The following OR6C75 variants were observed in gnomAD, a reference collection of about 807,000 sequenced individuals.
The protein encoded by OR6C75 is olfactory receptor 6C75.
For missense variants in OR6C75, 380 were observed against 368.0 expected, an observed-to-expected ratio of 1.03 and a Z score of -0.27; for synonymous variants, 149 against 130.6, an observed-to-expected ratio of 1.14 and a Z score of -0.96.
Position 55,366,576 on chromosome 12 carries a change from T to C in OR6C75, c.*527T>C, listed in dbSNP as rs1481949113. ...TAAACTATGTATCTTAATTAATATA[T>C]CTAAAATTTTTTCTTCAATGTCACC... On this transcript the variant is annotated 3_prime_UTR_variant, in exon 3 of 3. Transcript: ENST00000641576. 2 of 152,116 alleles carry C rather than the reference T, an allele frequency of 1.3e-5. No homozygotes were observed. Among genetic ancestry groups the C allele is most frequent in the African/African-American group, 4.8e-5 (2 of 41,446 alleles). The allele number at this position is 152,116 out of a possible 1,614,324, so 9.4% of individuals were successfully genotyped here. A position where few individuals can be genotyped will look rare whatever the true frequency, so the allele number is the denominator to read the frequency against.
Position 55,368,878 on chromosome 12 carries a change from T to C in OR6C75, c.*2829T>C, listed in dbSNP as rs529605754. The stretch of plus-strand genomic sequence containing the variant: ...TTTTATGGAATGGCATACTTTTTTT[T>C]AAAACAGATTATAATATAATATCAT... On this transcript the variant is annotated 3_prime_UTR_variant, in exon 3 of 3. Coordinates refer to ENST00000641576, the MANE Select transcript of OR6C75 (RefSeq NM_001005497.2). The C allele has an allele frequency of 1.3e-5, 2 of 152,140 alleles. No homozygotes were observed. Among genetic ancestry groups the C allele is most frequent in the Non-Finnish European group, 2.9e-5 (2 of 68,004 alleles). 9.4% of individuals were successfully genotyped at this position (152,140 alleles called of 1,614,324 possible).
At position 55,366,525 on chromosome 12, in the gene OR6C75, A is replaced by G. The variant is rs1033754466; in HGVS notation, c.*476A>G. Reference sequence around the variant, plus strand: ...AAACTTACTAAAACCACATTCAACTATGAAATTAATTTTATATGAAATGTT... The same window carrying G: ...AAACTTACTAAAACCACATTCAACTGTGAAATTAATTTTATATGAAATGTT... On this transcript the variant is annotated 3_prime_UTR_variant, in exon 3 of 3. Transcript: ENST00000641576. The G allele has an allele frequency of 2.6e-5, 4 of 152,196 alleles. No homozygotes were observed. The highest frequency in any genetic ancestry group is 7.2e-5 in the African/African-American group (3 of 41,470). 9.4% of individuals were successfully genotyped at this position (152,196 alleles called of 1,614,324 possible).
intron 2 of OR6C75, 61 bp from the exon 3 acceptor site, chr12:55,364,815 G>A (rs538168125): frequency 9.0e-5 from 24 of 267,724 alleles, no homozygotes; most frequent in South Asian, 8.9e-4. Context: ...TTTATTCATC[G>A]TACATAACTA....
chr12:55,364,388 C>A (rs1243199240), intron 2 of OR6C75, among the ~76,000 whole-genome samples: 3 of 113,508 alleles, frequency 2.6e-5, no homozygotes, highest in Admixed American at 1.3e-4. Context: ...TGCAATGGTG[C>A]GATCTCAGCT....
chr12:55,365,808 A>T lies in OR6C75; in HGVS notation c.698A>T (p.Lys233Ile), dbSNP rs1457452379. The change falls in exon 3 of 3, where the codon AAA becomes ATA. Residue 233 changes from lysine (K) to isoleucine (I), a missense_variant. Lys to Ile is a moderately radical substitution (Grantham distance 102, BLOSUM62 -3). Transcript: ENST00000641576. ...AAAATTCCTTCTATGAGTCAAAGGA[A>T]AAAAGCCTTTTCCACTTGCTCCTCC... ...ILKIPSMSQR[K>I]KAFSTCSSHM... 1.9e-6 allele frequency: 3 copies of T among 1,613,902 alleles called. No individual in the cohort carries two copies. Among genetic ancestry groups the T allele is most frequent in the African/African-American group, 1.3e-5 (1 of 75,030 alleles).
intron 1 of OR6C75, among the ~76,000 whole-genome samples, chr12:55,363,364 T>C (rs1445495132): frequency 6.6e-6 from 1 of 152,150 alleles, no homozygotes; most frequent in Non-Finnish European, 1.5e-5. Flanking sequence ...CTTATATTTA[T>C]GTTTTATATA....
Position 55,365,239 on chromosome 12 carries a change from T to C in OR6C75, c.129T>C (p.Ile43=), listed in dbSNP as rs771503220. Residue 43 remains isoleucine, a synonymous_variant, in exon 3 of 3, where the codon ATT becomes ATC. Transcript: ENST00000641576. ...YMLSVTGNLI[I]ITLTLSDPHL... The stretch of plus-strand genomic sequence containing the variant: ...TAAGTGTGACTGGGAACCTGATCAT[T>C]ATCACCCTCACCCTTTCAGATCCCC... The C allele has an allele frequency of 1.7e-5, 27 of 1,612,758 alleles. No homozygotes were observed. The highest frequency in any genetic ancestry group is 1.0e-5 in the Non-Finnish European group (12 of 1,179,562).
In OR6C75 at chr12:55,368,056, G is replaced by C. The variant is rs1270696449; in HGVS notation, c.*2007G>C. On this transcript the variant is annotated 3_prime_UTR_variant, in exon 3 of 3. Transcript: ENST00000641576. ...GCTAAGCATGGTAGCATACACCTGTGGTCCCAGCTACTCAAGAAGATGAGG... is the reference window on the plus strand; with the variant it reads ...GCTAAGCATGGTAGCATACACCTGTCGTCCCAGCTACTCAAGAAGATGAGG... 1 of 152,006 alleles carries C rather than the reference G, an allele frequency of 6.6e-6. No homozygotes were observed. Among genetic ancestry groups the C allele is most frequent in the African/African-American group, 2.4e-5 (1 of 41,338 alleles). The allele number at this position is 152,006 out of a possible 1,614,324, so 9.4% of individuals were successfully genotyped here.
intron 2 of OR6C75, among the ~76,000 whole-genome samples, chr12:55,364,492 ATTGT>A (rs1284866897): frequency 6.9e-6 from 1 of 145,548 alleles, no homozygotes; most frequent in African/African-American, 2.5e-5. Flanking sequence ...CACCCCGCTA[ATTGT>A]TTGTATTTTT....
Position 55,365,891 on chromosome 12 carries a change from T to C in OR6C75, c.781T>C (p.Ser261Pro), listed in dbSNP as rs1869790865. 1.2e-6 allele frequency: 2 copies of C among 1,613,870 alleles called. No individual in the cohort carries two copies. Among genetic ancestry groups the C allele is most frequent in the South Asian group, 2.2e-5 (2 of 91,080 alleles). Residue 261 changes from serine to proline, a missense_variant, in exon 3 of 3, where the codon TCT becomes CCT. Physicochemically the swap from Ser to Pro is moderately conservative, Grantham distance 74. Transcript: ENST00000641576. ...CTGTATCTTCATGTACATTAAGACT[T>C]CTGCCAGAGAAAGGGTGACTTTAAG... is the stretch of plus-strand genomic sequence containing the variant. Reference protein sequence around the residue: ...SSCIFMYIKTSARERVTLSKG... With the variant: ...SSCIFMYIKTPARERVTLSKG...
chr12:55,364,487 C>T (rs542993830), intron 2 of OR6C75, among the ~76,000 whole-genome samples: 8 of 150,268 alleles, frequency 5.3e-5, no homozygotes, highest in Non-Finnish European at 8.9e-5. Flanking sequence ...CACCACACCC[C>T]GCTAATTGTT....
In OR6C75 at chr12:55,365,192, T is replaced by C. The variant is rs905116869; in HGVS notation, c.82T>C (p.Phe28Leu). 8 of 1,613,244 alleles carry C rather than the reference T, an allele frequency of 5.0e-6. No homozygotes were observed. Among genetic ancestry groups the C allele is most frequent in the Non-Finnish European group, 6.8e-6 (8 of 1,179,680 alleles). The change falls in exon 3 of 3, where the codon TTT (phenylalanine) becomes CTT (leucine). Residue 28 changes from phenylalanine (F) to leucine (L), a missense_variant. Coordinates refer to ENST00000641576, the MANE Select transcript of OR6C75 (RefSeq NM_001005497.2). ...DPQWQVVLFI[F>L]LLVTYMLSVT... is the part of the protein sequence containing the mutation. ...ACAGTGGCAGGTTGTACTTTTCATA[T>C]TTCTTCTTGTTACCTACATGTTAAG...
At position 55,367,446 on chromosome 12, in the gene OR6C75, A is replaced by G. The variant is rs1317080629; in HGVS notation, c.*1397A>G. 1 of 152,168 alleles carries G rather than the reference A, an allele frequency of 6.6e-6. No individual in the cohort carries two copies. Among genetic ancestry groups the G allele is most frequent in the Non-Finnish European group, 1.5e-5 (1 of 68,030 alleles). 9.4% of individuals were successfully genotyped at this position (152,168 alleles called of 1,614,324 possible). On this transcript the variant is annotated 3_prime_UTR_variant, in exon 3 of 3. Coordinates refer to ENST00000641576, the MANE Select transcript of OR6C75 (RefSeq NM_001005497.2). ...CACAGAAAAAATAGTCAATAAATCCAACATCCCTTTATGACAAAAACACTC... is the reference window on the plus strand; with the variant it reads ...CACAGAAAAAATAGTCAATAAATCCGACATCCCTTTATGACAAAAACACTC...
rs1005190882 is a variant in OR6C75 at position 55,366,887 on chromosome 12, A to C, written c.*838A>C. On this transcript the variant is annotated 3_prime_UTR_variant, in exon 3 of 3. Coordinates refer to ENST00000641576, the MANE Select transcript of OR6C75 (RefSeq NM_001005497.2). Reference sequence around the variant, plus strand: ...AACAGAGAACTTTTCTGTTTCTGCCAATATTTTAAAAGAAAAACCATGATC... The same window carrying C: ...AACAGAGAACTTTTCTGTTTCTGCCCATATTTTAAAAGAAAAACCATGATC... The C allele has an allele frequency of 1.3e-5, 2 of 152,156 alleles. No homozygotes were observed. Among genetic ancestry groups the C allele is most frequent in the Admixed American group, 1.3e-4 (2 of 15,276 alleles). 9.4% of individuals were successfully genotyped at this position (152,156 alleles called of 1,614,324 possible). A position where few individuals can be genotyped will look rare whatever the true frequency, so the allele number is the denominator to read the frequency against.
Position 55,365,723 on chromosome 12 carries a change from C to A in OR6C75, c.613C>A (p.Leu205Met), listed in dbSNP as rs548940767. ...LMAFFLAVVTLMVTLTLVILS... is the reference protein window; with the variant it reads ...LMAFFLAVVTMMVTLTLVILS... ...GGCATTTTTTTTAGCTGTGGTAACA[C>A]TGATGGTCACCTTGACATTAGTTAT... The change falls in exon 3 of 3, where the codon CTG (leucine) becomes ATG (methionine). Residue 205 changes from leucine to methionine, a missense_variant. By Grantham distance (15) the Leu-to-Met change is conservative (BLOSUM62 2). Coordinates refer to ENST00000641576, the MANE Select transcript of OR6C75 (RefSeq NM_001005497.2). 9.3e-6 allele frequency: 15 copies of A among 1,613,970 alleles called. No individual in the cohort carries two copies. Among genetic ancestry groups the A allele is most frequent in the Non-Finnish European group, 1.3e-5 (15 of 1,179,992 alleles).
chr12:55,364,312 C>CT (rs59247539), intron 2 of OR6C75, among the ~76,000 whole-genome samples: 2,502 of 16,926 alleles, frequency 0.15, 843 homozygotes, highest in Non-Finnish European at 0.22. Flanking sequence ...GTTTCTTTTC[C>CT]TTTTTTTTTT....
At position 55,365,290 on chromosome 12, in the gene OR6C75, C is replaced by G; in HGVS notation, c.180C>G (p.Phe60Leu). Residue 60 changes from phenylalanine to leucine, a missense_variant, in exon 3 of 3, where the codon TTC (phenylalanine) becomes TTG (leucine). Transcript: ENST00000641576. The part of the protein sequence containing the change: ...DPHLQTPMYF[F>L]LRNFSFLEIS... ...ATCTGCAGACTCCCATGTATTTCTT[C>G]CTTCGGAACTTCTCATTCCTGGAAA... is the stretch of plus-strand genomic sequence containing the variant. The G allele has an allele frequency of 6.2e-7, 1 of 1,613,932 alleles. No individual in the cohort carries two copies. The highest frequency in any genetic ancestry group is 8.5e-7 in the Non-Finnish European group (1 of 1,179,932).
At chr12:55,364,813 T>C in intron 2 of OR6C75, 63 bp from the exon 3 acceptor site, 1 of 267,906 alleles carries the variant, frequency 3.7e-6, no homozygotes, top group Non-Finnish European at 6.9e-6. Flanking sequence ...GATTTATTCA[T>C]CGTACATAAC....
intron 2 of OR6C75, among the ~76,000 whole-genome samples, chr12:55,364,257 C>G (rs968311260): frequency 9.8e-5 from 14 of 143,190 alleles, no homozygotes; most frequent in African/African-American, 3.6e-4. Flanking sequence ...GGATTACAGG[C>G]ATGAGTCATT....
Sources: gnomAD v4.1 joint callset for allele counts (sites outside exome capture counted in the v4.1 genomes callset) on GRCh38, gnomAD v4.1.1 for gene constraint, MANE v1.5 for transcripts, NCBI Gene and HGNC (gene_info 2026-07-23, HGNC 2026-07-21) for gene names.